The following GARNL3 variants were observed in gnomAD, a reference collection of about 807,000 sequenced individuals.
GARNL3 encodes GTPase-activating Rap/Ran-GAP domain-like protein 3.
Under a neutral mutation model 125.0 loss-of-function variants are expected in GARNL3, and 63 were observed. The ratio of observed to expected loss-of-function variants is 0.50; its 90% confidence interval spans 0.41 to 0.62. The LOEUF (loss-of-function observed/expected upper bound fraction) is 0.62, where lower values mean the gene tolerates loss of function less well. Ranked by LOEUF, GARNL3 falls within the 20% of genes least tolerant of loss-of-function variation. The pLI, the probability that GARNL3 is intolerant of heterozygous loss-of-function variation, is 0.00. For synonymous variants in GARNL3, 439 were observed against 457.5 expected (o/e 0.96, Z 0.52); for missense variants, 994 against 1,244.0 (o/e 0.80, Z 3.02).
intron 4 of GARNL3, among the ~76,000 whole-genome samples, chr9:127,313,880 T>C (rs72766244): frequency 0.14 from 21,317 of 152,236 alleles, 1,890 homozygotes; most frequent in East Asian, 0.21. Flanking sequence ...ACAATTTTTT[T>C]GCCTCCTCCT....
In GARNL3 at chr9:127,384,977, C is replaced by T. The variant is rs374238048; in HGVS notation, c.2270-50C>T. The T allele has an allele frequency of 5.3e-6, 6 of 1,121,618 alleles. No individual in the cohort carries two copies. Among genetic ancestry groups the T allele is most frequent in the Admixed American group, 3.7e-5 (2 of 54,056 alleles). 69.5% of individuals were successfully genotyped at this position (1,121,618 alleles called of 1,614,324 possible). ...GACTATGACACAGTCACAGCCCCTT[C>T]GCGGCCACCAAGCCAGCAGCTGGGA... On this transcript the variant is annotated intron_variant, in intron 23 of 27. Coordinates refer to ENST00000373387, the MANE Select transcript of GARNL3 (RefSeq NM_032293.5). This position sits in a 1 kb window ranked among gnomAD's most constrained non-coding sequence, Gnocchi z 4.0.
At chr9:127,326,371 TGTTG>T (rs912750324) in intron 7 of GARNL3, among the ~76,000 whole-genome samples, 1 of 152,208 alleles carries the variant, frequency 6.6e-6, no homozygotes, top group Non-Finnish European at 1.5e-5. Flanking sequence ...AGTAAGTATT[TGTTG>T]GTTGAACAAG....
rs1371535806 is a variant in GARNL3 at position 127,345,398 on chromosome 9, G to A, written c.1357-5G>A. 2 of 1,590,580 alleles carry A rather than the reference G, an allele frequency of 1.3e-6. No homozygotes were observed. Among genetic ancestry groups the A allele is most frequent in the South Asian group, 2.3e-5 (2 of 88,124 alleles). On this transcript the variant is annotated splice_polypyrimidine_tract_variant and splice_region_variant and intron_variant, in intron 15 of 27. Coordinates refer to ENST00000373387, the MANE Select transcript of GARNL3 (RefSeq NM_032293.5). Reference sequence around the variant, plus strand: ...AAACTTTAATAGAGATCTCTGTTCTGTAAGGCACTAAAACTGAAATCCATT... The same window carrying A: ...AAACTTTAATAGAGATCTCTGTTCTATAAGGCACTAAAACTGAAATCCATT...
At chr9:127,363,139 A>C (rs1831101341) in intron 21 of GARNL3, 1 of 152,500 alleles carries the variant, frequency 6.6e-6, no homozygotes, top group African/African-American at 2.4e-5. Context: ...CAAACAGACA[A>C]GAGAGCACCA....
chr9:127,269,288 C>T (rs767632772), intron 1 of GARNL3, among the ~76,000 whole-genome samples: 1 of 152,238 alleles, frequency 6.6e-6, no homozygotes, highest in Non-Finnish European at 1.5e-5. Flanking sequence ...GCATGAGCCA[C>T]CGCACCCAGC....
At chr9:127,290,186 A>G (rs998234913) in intron 1 of GARNL3, among the ~76,000 whole-genome samples, 2 of 152,254 alleles carry the variant, frequency 1.3e-5, no homozygotes, top group African/African-American at 4.8e-5. Context: ...GGCATTCAAC[A>G]AATACCAGAT....
At chr9:127,300,700 C>G (rs559463291) in intron 2 of GARNL3, 29 of 314,580 alleles carry the variant, frequency 9.2e-5, no homozygotes, top group South Asian at 8.1e-4. Flanking sequence ...AGTGATCTGT[C>G]CCCCTCGGCC....
At chr9:127,251,611 A>G (rs1443870712) in intron 2 of GARNL3, among the ~76,000 whole-genome samples, 1 of 152,228 alleles carries the variant, frequency 6.6e-6, no homozygotes. Context: ...GGAATACAAT[A>G]TAGAGACCAC....
At chr9:127,267,293 C>A (rs2063725411) in intron 1 of GARNL3, among the ~76,000 whole-genome samples, 1 of 151,940 alleles carries the variant, frequency 6.6e-6, no homozygotes, top group South Asian at 2.1e-4. Context: ...TTAAAAATTC[C>A]ACGTATAATC....
At chr9:127,256,217 G>T (rs546731512) in intron 2 of GARNL3, among the ~76,000 whole-genome samples, 1 of 152,316 alleles carries the variant, frequency 6.6e-6, no homozygotes, top group Non-Finnish European at 1.5e-5. Flanking sequence ...GAAAAGAGAA[G>T]CCAAGGTTGC....
chr9:127,304,530 C>CT (rs61493807), intron 2 of GARNL3, among the ~76,000 whole-genome samples: 63,147 of 98,222 alleles, frequency 0.64, 21,987 homozygotes, highest in South Asian at 0.8. Context: ...TGGCTTTATT[C>CT]TTTTTTTTTT....
At chr9:127,316,379 CA>C (rs142330723) in intron 4 of GARNL3, among the ~76,000 whole-genome samples, 28 of 145,110 alleles carry the variant, frequency 1.9e-4, no homozygotes, top group African/African-American at 5.3e-4. Flanking sequence ...CTGCCTGCTA[CA>C]AAAAAAAAAT....
intron 4 of GARNL3, among the ~76,000 whole-genome samples, chr9:127,315,236 T>G (rs182639646): frequency 6.6e-6 from 1 of 152,192 alleles, no homozygotes; most frequent in East Asian, 1.9e-4. Flanking sequence ...TAAGCCCCTC[T>G]TGGCCTGAAA....
At chr9:127,344,203 T>G in intron 14 of GARNL3, 32 bp from the exon 15 acceptor site, 1 of 1,443,660 alleles carries the variant, frequency 6.9e-7, no homozygotes. Flanking sequence ...AACAACTGTT[T>G]GTGGAATTCA....
chr9:127,326,402 G>A (rs1056556445), intron 7 of GARNL3, among the ~76,000 whole-genome samples: 3 of 152,090 alleles, frequency 2.0e-5, no homozygotes, highest in Non-Finnish European at 4.4e-5. Context: ...ATTGATTGAT[G>A]ATTGATTGAT....
chr9:127,306,928 A>G (rs1381170865), intron 2 of GARNL3, among the ~76,000 whole-genome samples: 1 of 152,180 alleles, frequency 6.6e-6, no homozygotes, highest in South Asian at 2.1e-4. Flanking sequence ...AATACATTAA[A>G]TAATGAATCT....
chr9:127,235,819 G>A (rs1319868445), intron 1 of GARNL3, among the ~76,000 whole-genome samples: 3 of 152,124 alleles, frequency 2.0e-5, no homozygotes, highest in South Asian at 2.1e-4. Context: ...CACTGGACTG[G>A]CTTCAAGAGA....
At chr9:127,390,819 C>T (rs200787237) in intron 27 of GARNL3, 52 bp downstream of exon 27, 495 of 1,580,434 alleles carry the variant, frequency 3.1e-4, no homozygotes, top group Non-Finnish European at 4.1e-4. Flanking sequence ...TGAGTCACAG[C>T]ACTGCCCAGG....
At chr9:127,228,380 A>G (rs1181011512) in intron 1 of GARNL3, among the ~76,000 whole-genome samples, 1 of 152,238 alleles carries the variant, frequency 6.6e-6, no homozygotes, top group Non-Finnish European at 1.5e-5. Flanking sequence ...CATAATGCTA[A>G]ATTGCTCACC....
Sources: allele counts gnomAD v4.1 joint callset (sites outside exome capture counted in the v4.1 genomes callset), GRCh38; gene constraint gnomAD v4.1.1; non-coding constraint Gnocchi (gnomAD v3.1); transcripts MANE v1.5; gene names NCBI Gene and HGNC (gene_info 2026-07-23, HGNC 2026-07-21).